LARP1B: variants seen among roughly 807,000 people sequenced by gnomAD.
The protein encoded by LARP1B is la-related protein 1B.
LARP1B carries 76 observed loss-of-function variants against 114.2 expected under a neutral mutation model. That is an observed-to-expected ratio of 0.67 (90% CI 0.55 to 0.81). The LOEUF is 0.81. Ranked by LOEUF, LARP1B falls within the 30% of genes least tolerant of loss-of-function variation. The probability of loss-of-function intolerance (pLI) is 0.00; values close to 1 mark genes in which losing one functional copy is unlikely to be tolerated. For missense variants in LARP1B, 1,014 were observed against 1,075.8 expected, an observed-to-expected ratio of 0.94 and a Z score of 0.80; for synonymous variants, 345 against 348.0, an observed-to-expected ratio of 0.99 and a Z score of 0.10.
intron 4 of LARP1B, among the ~76,000 whole-genome samples, chr4:128,078,230 G>C (rs1449750458): frequency 6.6e-6 from 1 of 152,176 alleles, no homozygotes; most frequent in Non-Finnish European, 1.5e-5. Flanking sequence ...GGAAAGTTGT[G>C]TGATAATTAT....
At position 128,178,664 on chromosome 4, in the gene LARP1B, A is replaced by G. The variant is rs199958079; in HGVS notation, c.1896+22A>G. 9.8e-5 allele frequency: 152 copies of G among 1,548,462 alleles called. No individual in the cohort carries two copies. In the East Asian group the frequency reaches 2.6e-3, roughly 27 times the overall value. ...AAAGGTATACAAAACAACCAGGAAT[A>G]TAAGGCTTGCATTTTGTATCCTTTA... On this transcript the variant is annotated intron_variant, in intron 14 of 19. Transcript: ENST00000326639.
intron 7 of LARP1B, among the ~76,000 whole-genome samples, chr4:128,094,738 G>A (rs916693693): frequency 6.6e-5 from 10 of 151,856 alleles, no homozygotes; most frequent in African/African-American, 2.4e-4. Context: ...ATGTCTTAAT[G>A]TCTGAAATTT....
intron 5 of LARP1B, among the ~76,000 whole-genome samples, chr4:128,087,309 T>C (rs1250731081): frequency 6.6e-6 from 1 of 152,222 alleles, no homozygotes. Flanking sequence ...TTTGTTTTTA[T>C]AGTTTTCTGC....
chr4:128,094,844 C>T (rs528328809), intron 7 of LARP1B, among the ~76,000 whole-genome samples: 38 of 152,104 alleles, frequency 2.5e-4, no homozygotes, highest in South Asian at 8.3e-4. Context: ...CTCCGCCTCC[C>T]GAGTCCAAGC....
intron 8 of LARP1B, among the ~76,000 whole-genome samples, chr4:128,100,977 C>T (rs1004887397): frequency 6.6e-6 from 1 of 150,986 alleles, no homozygotes; most frequent in African/African-American, 2.4e-5. Context: ...GCCACCATGC[C>T]TGGCTAATTT....
chr4:128,142,510 CTT>C (rs34035043), intron 11 of LARP1B, among the ~76,000 whole-genome samples: 27 of 140,872 alleles, frequency 1.9e-4, no homozygotes, highest in Admixed American at 2.9e-4. Flanking sequence ...ATATTTCTTT[CTT>C]TTTTTTTTTT....
At chr4:128,122,414 T>A in intron 11 of LARP1B, 1 of 1,490,360 alleles carries the variant, frequency 6.7e-7, no homozygotes, top group East Asian at 2.5e-5. Flanking sequence ...AAAAGAAAAT[T>A]AGTACTCACT....
At chr4:128,073,259 C>T (rs1241661493) in intron 1 of LARP1B, among the ~76,000 whole-genome samples, 1 of 150,940 alleles carries the variant, frequency 6.6e-6, no homozygotes, top group African/African-American at 2.4e-5. Context: ...CCTAAAAATA[C>T]AAAAAAATTA....
At chr4:128,197,880 CTT>C (rs35888649) in intron 15 of LARP1B, among the ~76,000 whole-genome samples, 2 of 86,986 alleles carry the variant, frequency 2.3e-5, no homozygotes, top group African/African-American at 4.2e-5. Flanking sequence ...ACGATTGTAG[CTT>C]TTTTTTTTTT....
intron 16 of LARP1B, 141 bp from the exon 17 acceptor site, chr4:128,200,380 A>T: frequency 1.9e-6 from 1 of 530,546 alleles, no homozygotes; most frequent in East Asian, 3.3e-5. Flanking sequence ...GAGGTTGGAG[A>T]TCCCCACTCT....
intron 11 of LARP1B, chr4:128,155,595 C>T: frequency 3.1e-6 from 3 of 981,160 alleles, no homozygotes; most frequent in Non-Finnish European, 5.0e-6. Context: ...GGCCTCTGAC[C>T]TACCCTTAGT....
At chr4:128,221,219 G>A (rs551664651) in intron 7 of LARP1B, among the ~76,000 whole-genome samples, 8 of 152,296 alleles carry the variant, frequency 5.3e-5, no homozygotes, top group African/African-American at 1.9e-4. Context: ...TATCATCCAT[G>A]TGTTTAAATG....
chr4:128,219,324 T>A (rs1263906007), intron 6 of LARP1B, among the ~76,000 whole-genome samples: 24 of 101,520 alleles, frequency 2.4e-4, no homozygotes, highest in Non-Finnish European at 3.3e-4. Context: ...TAAATCATGC[T>A]GCTATAAAGA....
intron 9 of LARP1B, 169 bp downstream of exon 9, chr4:128,107,482 A>G (rs1782512761): frequency 7.0e-7 from 1 of 1,434,162 alleles, no homozygotes; most frequent in Admixed American, 2.9e-5. Context: ...ACAGAGTTAC[A>G]AATTAAATAA....
intron 11 of LARP1B, among the ~76,000 whole-genome samples, chr4:128,158,651 A>G (rs1336294204): frequency 6.6e-6 from 1 of 152,206 alleles, no homozygotes; most frequent in Non-Finnish European, 1.5e-5. Context: ...AAATATACTC[A>G]AGCTTTTCAG....
At chr4:128,145,157 G>T (rs1045924128) in intron 11 of LARP1B, among the ~76,000 whole-genome samples, 6 of 152,130 alleles carry the variant, frequency 3.9e-5, no homozygotes, top group Non-Finnish European at 8.8e-5. Flanking sequence ...CGTTAGGTTA[G>T]ATCTGTGGAA....
In LARP1B at chr4:128,199,456, C is replaced by A; in HGVS notation, c.2021C>A (p.Pro674His). 2 of 1,541,640 alleles carry A rather than the reference C, an allele frequency of 1.3e-6. No individual in the cohort carries two copies. Among genetic ancestry groups the A allele is most frequent in the Non-Finnish European group, 1.8e-6 (2 of 1,141,440 alleles). Reference protein sequence around the residue: ...TSSVSTSNASPSEGAPLAGSY... With the variant: ...TSSVSTSNASHSEGAPLAGSY... The stretch of plus-strand genomic sequence containing the variant: ...TCAAACAGCACTTCAAATGCTTCAC[C>A]TTCAGAAGGCGCACCACTAGCAGGA... Residue 674 changes from proline to histidine, a missense_variant, in exon 16 of 20, where the codon CCT (proline) becomes CAT (histidine). Physicochemically the swap from Pro to His is moderately conservative, Grantham distance 77 (BLOSUM62 -2). Transcript: ENST00000326639.
At chr4:128,202,905 A>G (rs1294483167) in intron 17 of LARP1B, among the ~76,000 whole-genome samples, 1 of 152,156 alleles carries the variant, frequency 6.6e-6, no homozygotes, top group Non-Finnish European at 1.5e-5. Context: ...GTTCTTTATA[A>G]AAAGTAGGTT....
intron 5 of LARP1B, among the ~76,000 whole-genome samples, chr4:128,087,550 A>C (rs929282830): frequency 3.3e-5 from 5 of 152,178 alleles, no homozygotes; most frequent in African/African-American, 1.2e-4. Context: ...TCTGTATTTA[A>C]TTCATTCATC....
Sources: gnomAD v4.1 joint callset for allele counts (sites outside exome capture counted in the v4.1 genomes callset) on GRCh38, gnomAD v4.1.1 for gene constraint, MANE v1.5 for transcripts, NCBI Gene and HGNC (gene_info 2026-07-23, HGNC 2026-07-21) for gene names.